The following CCT3 variants were observed in gnomAD, a reference collection of about 807,000 sequenced individuals.
The protein encoded by CCT3 is T-complex protein 1 subunit gamma.
In CCT3, 10 loss-of-function variants were observed where a neutral mutation model predicts 65.3. That is an observed-to-expected ratio of 0.15 (90% CI 0.09 to 0.26). CCT3 has a LOEUF of 0.26. Among genes scored for constraint, CCT3 ranks in the 10% least tolerant of loss-of-function variants. CCT3 has a pLI of 1.00. For synonymous variants in CCT3, 225 were observed against 242.3 expected (o/e 0.93, Z 0.66); for missense variants, 626 against 708.7 (o/e 0.88, Z 1.33).
At chr1:156,334,483 C>T (rs897613885) in intron 4 of CCT3, among the ~76,000 whole-genome samples, 32 of 152,234 alleles carry the variant, frequency 2.1e-4, no homozygotes, top group African/African-American at 5.5e-4. Context: ...AAGGGAGAAG[C>T]GGAGTTCTTC....
At chr1:156,314,709 C>T (rs2101634674) in intron 10 of CCT3, among the ~76,000 whole-genome samples, 1 of 151,908 alleles carries the variant, frequency 6.6e-6, no homozygotes, top group Admixed American at 6.6e-5. Context: ...AGCGAAACTC[C>T]ATCTCAAAAA....
chr1:156,322,239 A>T (rs1257126750), intron 6 of CCT3, among the ~76,000 whole-genome samples: 1 of 152,128 alleles, frequency 6.6e-6, no homozygotes, highest in Non-Finnish European at 1.5e-5. Flanking sequence ...CCATATCTCT[A>T]AAAAATAATT....
intron 6 of CCT3, among the ~76,000 whole-genome samples, chr1:156,322,858 T>G (rs977083735): frequency 6.6e-6 from 1 of 151,918 alleles, no homozygotes; most frequent in Non-Finnish European, 1.5e-5. Flanking sequence ...AAACTCCGTC[T>G]CAAAAAAAAG....
intron 10 of CCT3, among the ~76,000 whole-genome samples, chr1:156,315,304 G>A (rs916573895): frequency 2.6e-5 from 4 of 152,114 alleles, no homozygotes; most frequent in African/African-American, 9.7e-5. Context: ...CGCCTCCTTG[G>A]TTCAAGCAAT....
chr1:156,338,052 T>C lies in CCT3; in HGVS notation c.31+102A>G, dbSNP rs1665526785. 3 of 1,279,992 alleles carry C rather than the reference T, an allele frequency of 2.3e-6. No individual in the cohort carries two copies. The South Asian group carries it at 3.8e-5, about 16-fold the overall frequency. 79.3% of individuals were successfully genotyped at this position (1,279,992 alleles called of 1,614,324 possible). ...AAAATGAAGACGATGATTGGAAGGC[T>C]CAGTGGCCCGGTCAGTGGGGGACGG... On this transcript the variant is annotated intron_variant, in intron 1 of 13. Transcript: ENST00000295688.
chr1:156,318,654 C>T (rs1570919638), intron 8 of CCT3, among the ~76,000 whole-genome samples: 1 of 152,160 alleles, frequency 6.6e-6, no homozygotes, highest in African/African-American at 2.4e-5. Context: ...CCAATACTAG[C>T]TGTATTCCTC....
chr1:156,328,253 C>T (rs1421707869), intron 5 of CCT3, among the ~76,000 whole-genome samples: 7 of 145,660 alleles, frequency 4.8e-5, no homozygotes, highest in Admixed American at 4.2e-4. Flanking sequence ...GCCCCCGGCC[C>T]GGCCAGCCGC....
intron 6 of CCT3, among the ~76,000 whole-genome samples, chr1:156,323,314 GA>G (rs71080759): frequency 1.9e-4 from 25 of 130,428 alleles, no homozygotes; most frequent in Non-Finnish European, 2.9e-4. Context: ...TCCGTCTCAA[GA>G]AAAAAAAAAA....
At chr1:156,333,498 CAG>C (rs1192462253) in intron 5 of CCT3, 47 bp downstream of exon 5, 3 of 1,276,064 alleles carry the variant, frequency 2.4e-6, no homozygotes, top group Non-Finnish European at 3.4e-6. Context: ...AAATATGACA[CAG>C]GTGTTACTTC....
chr1:156,332,023 A>T (rs1463802511), intron 5 of CCT3, among the ~76,000 whole-genome samples: 1 of 132,556 alleles, frequency 7.5e-6, no homozygotes, highest in African/African-American at 2.6e-5. Context: ...CAAGAGTGAG[A>T]CTCCATCTCA....
intron 6 of CCT3, among the ~76,000 whole-genome samples, chr1:156,324,241 G>A (rs908442190): frequency 2.7e-5 from 4 of 150,284 alleles, no homozygotes; most frequent in African/African-American, 7.4e-5. Flanking sequence ...CTAATTTTCT[G>A]TACTTTTAGT....
intron 6 of CCT3, among the ~76,000 whole-genome samples, chr1:156,321,306 G>A (rs1664543884): frequency 6.6e-6 from 1 of 152,138 alleles, no homozygotes; most frequent in African/African-American, 2.4e-5. Flanking sequence ...CTTATCTTCT[G>A]CTTCAACCAA....
chr1:156,313,350 G>GAAAAA (rs58926932), intron 10 of CCT3, among the ~76,000 whole-genome samples: 2 of 106,718 alleles, frequency 1.9e-5, no homozygotes, highest in African/African-American at 6.5e-5. Context: ...AAAAAAAAAA[G>GAAAAA]AAAAAAAAAA....
At chr1:156,316,112 G>T (rs1664301435) in intron 10 of CCT3, among the ~76,000 whole-genome samples, 1 of 151,722 alleles carries the variant, frequency 6.6e-6, no homozygotes, top group South Asian at 2.1e-4. Context: ...TGGCAGGGGG[G>T]GTGGGGTGGG....
intron 10 of CCT3, among the ~76,000 whole-genome samples, chr1:156,314,789 G>A (rs1014868173): frequency 6.6e-6 from 1 of 152,110 alleles, no homozygotes; most frequent in Non-Finnish European, 1.5e-5. Flanking sequence ...CCAAAGCAGT[G>A]CCAGACGATG....
In CCT3 at chr1:156,310,995, G is replaced by T. The variant is rs762484022; in HGVS notation, c.1356C>A (p.Ile452=). 6.2e-7 allele frequency: 1 copy of T among 1,614,034 alleles called. No individual in the cohort carries two copies. The highest frequency in any genetic ancestry group is 8.5e-7 in the Non-Finnish European group (1 of 1,180,024). Residue 452 remains isoleucine (I), a synonymous_variant, in exon 12 of 14, where the codon ATC becomes ATA. Transcript: ENST00000295688. The stretch of plus-strand genomic sequence containing the variant: ...GGATGGTGCTGGCCCCACAGTTCTG[G>T]ATCAGGGTACGAGGAATGACCTCTA... The part of the protein sequence containing the change: ...QALEVIPRTL[I]QNCGASTIRL...
At chr1:156,322,747 T>C (rs1217023383) in intron 6 of CCT3, among the ~76,000 whole-genome samples, 1 of 151,956 alleles carries the variant, frequency 6.6e-6, no homozygotes, top group African/African-American at 2.4e-5. Context: ...TAATCCCAGC[T>C]ACTCGGGAGG....
At chr1:156,326,594 G>A (rs1345444307) in intron 5 of CCT3, among the ~76,000 whole-genome samples, 1 of 142,826 alleles carries the variant, frequency 7.0e-6, no homozygotes, top group Non-Finnish European at 1.5e-5. Context: ...AGGTTGTGGT[G>A]AGCCAAGATC....
Position 156,317,458 on chromosome 1 carries a change from G to C in CCT3, c.849C>G (p.Ile283Met), listed in dbSNP as rs1570918447. 1 of 1,614,028 alleles carries C rather than the reference G, an allele frequency of 6.2e-7. No homozygotes were observed. Among genetic ancestry groups the C allele is most frequent in the Non-Finnish European group, 8.5e-7 (1 of 1,179,904 alleles). Residue 283 changes from isoleucine (I) to methionine (M), a missense_variant, in exon 9 of 14, where the codon ATC becomes ATG. Ile to Met is a conservative substitution (Grantham distance 10). Transcript: ENST00000295688. ...TGATGACCACATCGGGCTTCAGTTG[G>C]ATAATGTCCTCACAGAGCTGCTGGA... ...EYIQQLCEDI[I>M]QLKPDVVITE...
Sources: gnomAD v4.1 joint callset for allele counts (sites outside exome capture counted in the v4.1 genomes callset) on GRCh38, gnomAD v4.1.1 for gene constraint, MANE v1.5 for transcripts, NCBI Gene and HGNC (gene_info 2026-07-23, HGNC 2026-07-21) for gene names.